The following ATP8B4 variants were observed in gnomAD, a reference collection of about 807,000 sequenced individuals.
ATP8B4 encodes the protein ATPase phospholipid transporting 8B4 (putative), also known as probable phospholipid-transporting ATPase IM.
ATP8B4 carries 133 observed loss-of-function variants against 145.6 expected under a neutral mutation model. The observed-to-expected ratio is 0.91, with a 90% CI of 0.79 to 1.05. The LOEUF (loss-of-function observed/expected upper bound fraction) is 1.05, where lower values mean the gene tolerates loss of function less well. Ranked by LOEUF, ATP8B4 falls within the 50% of genes least tolerant of loss-of-function variation. The pLI, the probability that ATP8B4 is intolerant of heterozygous loss-of-function variation, is 0.00. For synonymous variants in ATP8B4, 507 were observed against 492.9 expected, an observed-to-expected ratio of 1.03 and a Z score of -0.38; for missense variants, 1,458 against 1,425.2, an observed-to-expected ratio of 1.02 and a Z score of -0.37.
intron 14 of ATP8B4, among the ~76,000 whole-genome samples, chr15:49,950,607 C>CAAAAAAAAAAAAAAAAAAAAAAA (rs1489232447): frequency 1.0e-5 from 1 of 96,454 alleles, no homozygotes; most frequent in Admixed American, 1.1e-4. Flanking sequence ...AAAAAACAAA[C>CAAAAAAAAAAAAAAAAAAAAAAA]AAACAAACAA....
Position 49,981,277 on chromosome 15 carries a change from T to C in ATP8B4, c.766A>G (p.Met256Val), listed in dbSNP as rs1330043174. 6.2e-7 allele frequency: 1 copy of C among 1,608,748 alleles called. No homozygotes were observed. The highest frequency in any genetic ancestry group is 8.5e-7 in the Non-Finnish European group (1 of 1,178,228). Residue 256 changes from methionine (M) to valine (V), a missense_variant, in exon 11 of 28, where the codon ATG becomes GTG. Transcript: ENST00000284509. ...AACTTTGTCTTACCACTATTCTGCA[T>C]TAGTTTAGTGTCAGGACCTGCAAAA... is the stretch of plus-strand genomic sequence containing the variant. ...VIFAGPDTKL[M>V]QNSGKTKFKR...
intron 16 of ATP8B4, among the ~76,000 whole-genome samples, chr15:49,928,677 A>G (rs2040960519): frequency 6.6e-6 from 1 of 152,072 alleles, no homozygotes; most frequent in Non-Finnish European, 1.5e-5. Context: ...AGTGACAAGA[A>G]ACTTAACTAA....
chr15:50,066,688 A>G (rs1291534507), intron 3 of ATP8B4, among the ~76,000 whole-genome samples: 1 of 152,186 alleles, frequency 6.6e-6, no homozygotes, highest in Non-Finnish European at 1.5e-5. Flanking sequence ...AAAATGGTTG[A>G]CCAAATTTCA....
rs746086865 is a variant in ATP8B4 at position 49,860,468 on chromosome 15, C to G, written c.3305G>C (p.Arg1102Pro). 2.5e-6 allele frequency: 4 copies of G among 1,609,130 alleles called. No individual in the cohort carries two copies. Among genetic ancestry groups the G allele is most frequent in the South Asian group, 2.2e-5 (2 of 90,390 alleles). ...LYPTLSDQIR[R>P]WQKAQKKARP... is the part of the protein sequence containing the mutation. The stretch of plus-strand genomic sequence containing the variant: ...TGCCTTCTTTTGAGCCTTCTGCCAC[C>G]GGCGGATCTGGAGAGAAACAGACCC... Residue 1102 changes from arginine to proline, a missense_variant, in exon 28 of 28, where the codon CGG becomes CCG. Transcript: ENST00000284509.
intron 20 of ATP8B4, chr15:49,901,661 G>A (rs1387580000): frequency 3.5e-6 from 1 of 282,502 alleles, no homozygotes; most frequent in Admixed American, 5.0e-5. Flanking sequence ...GGAATTCCAG[G>A]ACATCTATAT....
chr15:50,147,588 G>C (rs1346154667), intron 1 of ATP8B4, among the ~76,000 whole-genome samples: 1 of 152,020 alleles, frequency 6.6e-6, no homozygotes, highest in Non-Finnish European at 1.5e-5. Context: ...TTGATTCCAG[G>C]GCTGGGTCAA....
intron 5 of ATP8B4, among the ~76,000 whole-genome samples, chr15:50,043,542 A>T (rs983521099): frequency 6.6e-6 from 1 of 152,190 alleles, no homozygotes; most frequent in Non-Finnish European, 1.5e-5. Context: ...AAACATGAAG[A>T]TGACAAGAAT....
intron 25 of ATP8B4, among the ~76,000 whole-genome samples, chr15:49,874,062 T>C (rs956890327): frequency 6.6e-6 from 1 of 152,224 alleles, no homozygotes; most frequent in African/African-American, 2.4e-5. Context: ...CCTCATTTAT[T>C]CAATACTCAA....
At chr15:49,976,795 T>C (rs951829184) in intron 12 of ATP8B4, among the ~76,000 whole-genome samples, 5 of 152,166 alleles carry the variant, frequency 3.3e-5, no homozygotes, top group Non-Finnish European at 7.4e-5. Context: ...CATTCAGCGC[T>C]TTCTTTTACA....
chr15:50,037,439 C>T (rs1023835462), intron 6 of ATP8B4, among the ~76,000 whole-genome samples: 6 of 152,300 alleles, frequency 3.9e-5, no homozygotes, highest in Admixed American at 6.5e-5. Flanking sequence ...ATACAAGACA[C>T]TGGGCCAAGC....
At chr15:49,897,648 G>T (rs2153428854) in intron 22 of ATP8B4, 133 bp from the exon 23 acceptor site, 1 of 731,528 alleles carries the variant, frequency 1.4e-6, no homozygotes, top group Non-Finnish European at 2.0e-6. Flanking sequence ...ATTATCTGAT[G>T]AAACACTTAT....
At chr15:50,062,605 CAT>C (rs2053105618) in intron 3 of ATP8B4, among the ~76,000 whole-genome samples, 1 of 152,120 alleles carries the variant, frequency 6.6e-6, no homozygotes, top group African/African-American at 2.4e-5. Context: ...GAGAAAATAA[CAT>C]GAGCTAATAT....
chr15:50,145,622 G>A (rs918172786), intron 1 of ATP8B4, among the ~76,000 whole-genome samples: 8 of 152,054 alleles, frequency 5.3e-5, no homozygotes, highest in Non-Finnish European at 1.2e-4. Flanking sequence ...AATTCTTAAG[G>A]CTAATTAGGC....
intron 1 of ATP8B4, among the ~76,000 whole-genome samples, chr15:50,170,943 A>G (rs2044664665): frequency 6.6e-6 from 1 of 152,234 alleles, no homozygotes; most frequent in Non-Finnish European, 1.5e-5. Flanking sequence ...TTAAAGCAAC[A>G]GTGGTTAAAA....
intron 16 of ATP8B4, among the ~76,000 whole-genome samples, chr15:49,925,139 T>A (rs2040601055): frequency 6.6e-6 from 1 of 152,100 alleles, no homozygotes; most frequent in Non-Finnish European, 1.5e-5. Flanking sequence ...ATATTAGAAA[T>A]TAAAAATGAG....
chr15:50,015,402 C>T (rs1374680494), intron 6 of ATP8B4, among the ~76,000 whole-genome samples: 4 of 152,194 alleles, frequency 2.6e-5, no homozygotes. Flanking sequence ...GAAAACTTGG[C>T]CAAGGTCACA....
chr15:49,978,987 C>G (rs1025596512), intron 12 of ATP8B4, among the ~76,000 whole-genome samples: 1 of 152,048 alleles, frequency 6.6e-6, no homozygotes, highest in African/African-American at 2.4e-5. Context: ...GCACCACCTA[C>G]TATATTTTAA....
intron 12 of ATP8B4, 71 bp from the exon 13 acceptor site, chr15:49,972,861 A>C: frequency 6.7e-7 from 1 of 1,493,822 alleles, no homozygotes; most frequent in South Asian, 1.3e-5. Flanking sequence ...TATTTTGCCA[A>C]AATAAGAAGT....
intron 23 of ATP8B4, among the ~76,000 whole-genome samples, chr15:49,884,613 G>GAAAAAAAA (rs60012082): frequency 3.4e-5 from 4 of 117,654 alleles, no homozygotes; most frequent in Admixed American, 9.4e-5. Flanking sequence ...CAAAAAAAAA[G>GAAAAAAAA]AAAAAAAAAA....
Sources: gnomAD v4.1 joint callset for allele counts (sites outside exome capture counted in the v4.1 genomes callset) on GRCh38, gnomAD v4.1.1 for gene constraint, MANE v1.5 for transcripts, NCBI Gene and HGNC (gene_info 2026-07-23, HGNC 2026-07-21) for gene names.